The following DCAF13 variants were observed in gnomAD, a reference collection of about 807,000 sequenced individuals.
The protein encoded by DCAF13 is DDB1- and CUL4-associated factor 13.
In DCAF13, 38 loss-of-function variants were observed where a neutral mutation model predicts 59.0. The observed-to-expected ratio is 0.64, with a 90% CI of 0.50 to 0.84. The LOEUF (loss-of-function observed/expected upper bound fraction) is 0.84. DCAF13 is among the 40% of genes least tolerant of loss of function. The pLI is 0.00. For missense variants in DCAF13, 469 were observed against 558.4 expected, an observed-to-expected ratio of 0.84 and a Z score of 1.61; for synonymous variants, 173 against 175.0, an observed-to-expected ratio of 0.99 and a Z score of 0.09.
chr8:103,418,892 T>A (rs1298673381), intron 1 of DCAF13, among the ~76,000 whole-genome samples: 1 of 88,226 alleles, frequency 1.1e-5, no homozygotes, highest in African/African-American at 4.2e-5. Flanking sequence ...TTTTTTTTTT[T>A]TTTTTTTTTG....
Position 103,420,459 on chromosome 8 carries a change from G to C in DCAF13, c.266G>C (p.Gly89Ala), listed in dbSNP as rs755636177. Reference protein sequence around the residue: ...LATVLSGACDGEVRIWNLTQR... With the variant: ...LATVLSGACDAEVRIWNLTQR... ...ACTGTCCTTTCTGGGGCGTGTGATG[G>C]AGAGGCAAGTGTCAATCTAGATGAT... The change falls in exon 2 of 11, where the codon GGA becomes GCA. Residue 89 changes from glycine to alanine, a missense_variant. Physicochemically the swap from Gly to Ala is moderately conservative, Grantham distance 60. Around this residue, in one of 3 missense-constraint regions of DCAF13, gnomAD observed 355 missense variants for 399.1 expected, o/e 0.89. Transcript: ENST00000612750. The C allele has an allele frequency of 1.2e-6, 2 of 1,612,974 alleles. No individual in the cohort carries two copies. The highest frequency in any genetic ancestry group is 3.3e-5 in the Admixed American group (2 of 59,880).
chr8:103,438,476 A>G (rs938753774), intron 8 of DCAF13, among the ~76,000 whole-genome samples: 8 of 149,264 alleles, frequency 5.4e-5, no homozygotes, highest in South Asian at 4.2e-4. Context: ...GCTAGAGTGC[A>G]GTGATGCCAC....
At chr8:103,421,363 G>T in intron 3 of DCAF13, 1 of 490,726 alleles carries the variant, frequency 2.0e-6, no homozygotes, top group Admixed American at 3.2e-5. Context: ...GATTTTTGAT[G>T]CTAAGATGAG....
At chr8:103,419,646 G>A (rs563829829) in intron 1 of DCAF13, among the ~76,000 whole-genome samples, 1 of 152,318 alleles carries the variant, frequency 6.6e-6, no homozygotes, top group East Asian at 1.9e-4. Context: ...GCATAAGGAA[G>A]TACAAATGAA....
intron 5 of DCAF13, chr8:103,430,407 A>G (rs1020559698): frequency 5.6e-6 from 2 of 358,046 alleles, no homozygotes; most frequent in Non-Finnish European, 1.0e-5. Flanking sequence ...AAATAAATAA[A>G]TAAATAAAAT....
chr8:103,440,390 T>C, intron 9 of DCAF13, 119 bp downstream of exon 9: 1 of 911,368 alleles, frequency 1.1e-6, no homozygotes. Context: ...GACATAGCTG[T>C]GATAAAAAAA....
intron 3 of DCAF13, chr8:103,421,355 T>C: frequency 5.8e-6 from 3 of 520,740 alleles, no homozygotes; most frequent in Non-Finnish European, 1.1e-5. Flanking sequence ...CTCTGGAGGA[T>C]TTTTGATGCT....
chr8:103,423,133 A>C (rs952173886), intron 3 of DCAF13, among the ~76,000 whole-genome samples: 13 of 152,188 alleles, frequency 8.5e-5, no homozygotes, highest in Admixed American at 3.3e-4. Context: ...ATTGATTGGC[A>C]AGTGGGAATG....
At chr8:103,439,308 C>A (rs1563507120) in intron 8 of DCAF13, among the ~76,000 whole-genome samples, 1 of 151,426 alleles carries the variant, frequency 6.6e-6, no homozygotes, top group African/African-American at 2.4e-5. Context: ...ATTATTCTTA[C>A]CTCAACTTAT....
chr8:103,436,382 T>C (rs1191327917), intron 8 of DCAF13, among the ~76,000 whole-genome samples: 2 of 152,138 alleles, frequency 1.3e-5, no homozygotes, highest in African/African-American at 2.4e-5. Context: ...TCTATTTCAC[T>C]TTAGTAGGTA....
intron 7 of DCAF13, among the ~76,000 whole-genome samples, chr8:103,433,223 A>G (rs529491755): frequency 5.3e-5 from 8 of 152,278 alleles, no homozygotes; most frequent in African/African-American, 1.9e-4. Flanking sequence ...AAATGAAAAT[A>G]TCTGCCTGCA....
intron 4 of DCAF13, 141 bp downstream of exon 4, chr8:103,426,286 C>T (rs566009485): frequency 9.9e-5 from 51 of 514,812 alleles, no homozygotes; most frequent in East Asian, 4.3e-4. Context: ...GACCCATTTA[C>T]GCAATATTTA....
intron 1 of DCAF13, among the ~76,000 whole-genome samples, chr8:103,419,966 G>A (rs893048568): frequency 6.8e-6 from 1 of 147,092 alleles, no homozygotes; most frequent in Non-Finnish European, 1.5e-5. Context: ...CCGAGATTGC[G>A]CCACTGCACT....
chr8:103,423,109 G>C (rs1046169339), intron 3 of DCAF13, among the ~76,000 whole-genome samples: 3 of 152,168 alleles, frequency 2.0e-5, no homozygotes, highest in Non-Finnish European at 4.4e-5. Context: ...TGCAAGCCCA[G>C]TGTTGTGCAA....
At chr8:103,433,783 T>G (rs1224299246) in intron 7 of DCAF13, among the ~76,000 whole-genome samples, 3 of 152,000 alleles carry the variant, frequency 2.0e-5, no homozygotes, top group Non-Finnish European at 4.4e-5. Flanking sequence ...GAAGCTCAGT[T>G]AGACTCTCAT....
Position 103,421,089 on chromosome 8 carries a change from A to T in DCAF13, c.378+7A>T. The T allele has an allele frequency of 6.5e-7, 1 of 1,531,576 alleles. No homozygotes were observed. Among genetic ancestry groups the T allele is most frequent in the Non-Finnish European group, 9.1e-7 (1 of 1,104,890 alleles). 94.9% of individuals were successfully genotyped at this position (1,531,576 alleles called of 1,614,324 possible). A position where few individuals can be genotyped will look rare whatever the true frequency, so the allele number is the denominator to read the frequency against. On this transcript the variant is annotated splice_region_variant and intron_variant, in intron 3 of 10. Transcript: ENST00000612750. Reference sequence around the variant, plus strand: ...TGGGACTTCTTTTTTCACTGTAAGTATAATACCATTAAGTCATTAAATTTG... The same window carrying T: ...TGGGACTTCTTTTTTCACTGTAAGTTTAATACCATTAAGTCATTAAATTTG...
intron 3 of DCAF13, 161 bp downstream of exon 3, chr8:103,421,243 A>G (rs764680089): frequency 1.0e-5 from 7 of 689,430 alleles, no homozygotes; most frequent in Admixed American, 2.1e-5. Context: ...AGTTTTCTTT[A>G]TATAATTCAG....
intron 5 of DCAF13, chr8:103,430,377 G>A (rs182316549): frequency 1.7e-3 from 481 of 277,748 alleles, no homozygotes; most frequent in African/African-American, 0.01. Context: ...GGGTGACAGA[G>A]CAAGACTCTG....
intron 1 of DCAF13, among the ~76,000 whole-genome samples, chr8:103,416,462 G>T (rs534849351): frequency 6.6e-6 from 1 of 152,166 alleles, no homozygotes; most frequent in Non-Finnish European, 1.5e-5. Context: ...TCCCACAAGT[G>T]GTTTAGTATT....
Sources: allele counts gnomAD v4.1 joint callset (sites outside exome capture counted in the v4.1 genomes callset), GRCh38; gene constraint gnomAD v4.1.1; regional missense constraint gnomAD v4.1.1; transcripts MANE v1.5; gene names NCBI Gene and HGNC (gene_info 2026-07-23, HGNC 2026-07-21).